The following IL16 variants were observed in gnomAD, a reference collection of about 807,000 sequenced individuals.
The protein encoded by IL16 is interleukin 16.
In IL16, 67 loss-of-function variants were observed where a neutral mutation model predicts 110.1. The observed-to-expected ratio is 0.61, with a 90% confidence interval of 0.50 to 0.75. The LOEUF (loss-of-function observed/expected upper bound fraction) is 0.75. Among genes scored for constraint, IL16 ranks in the 30% least tolerant of loss-of-function variants. The probability of loss-of-function intolerance (pLI) is 0.00; values close to 1 mark genes in which losing one functional copy is unlikely to be tolerated. For missense variants in IL16, 1,545 were observed against 1,655.0 expected, an observed-to-expected ratio of 0.93 and a Z score of 1.15; for synonymous variants, 689 against 662.9, an observed-to-expected ratio of 1.04 and a Z score of -0.61.
chr15:81,208,024 A>G (rs1202079652), intron 1 of IL16, among the ~76,000 whole-genome samples: 1 of 152,126 alleles, frequency 6.6e-6, no homozygotes, highest in African/African-American at 2.4e-5. Context: ...TTCCTCTGCA[A>G]CCTCACCAGC....
At chr15:81,207,260 A>C (rs996332072) in intron 1 of IL16, among the ~76,000 whole-genome samples, 2 of 147,624 alleles carry the variant, frequency 1.4e-5, no homozygotes, top group African/African-American at 5.2e-5. Context: ...AAAAAAAAAA[A>C]ACAAAAAAAA....
Position 81,218,917 on chromosome 15 carries a change from G to GT in IL16, c.-101-6375dup, listed in dbSNP as rs751212736. On this transcript the variant is annotated intron_variant, in intron 1 of 18. Coordinates refer to ENST00000683961, the MANE Select transcript of IL16 (RefSeq NM_172217.5). ...TTTAGGTTTTTTCTCCTCTTTTACT[G>GT]TTTTTTTGAGTAACAATTTTTTTTT... 8.2e-5 allele frequency among the ~76,000 whole-genome samples: 12 copies of GT among 147,096 alleles called. No individual in the cohort carries two copies. In the East Asian group the frequency reaches 2.3e-3, roughly 28 times the overall value.
intron 2 of IL16, among the ~76,000 whole-genome samples, chr15:81,236,550 A>G (rs1327336018): frequency 2.0e-5 from 3 of 152,240 alleles, no homozygotes; most frequent in African/African-American, 7.2e-5. Flanking sequence ...TTTTATTGCC[A>G]GAAAACATTT....
At chr15:81,221,054 G>T (rs540374362) in intron 1 of IL16, among the ~76,000 whole-genome samples, 97 of 151,826 alleles carry the variant, frequency 6.4e-4, no homozygotes, top group Non-Finnish European at 1.2e-3. Flanking sequence ...TTGGCACAGT[G>T]TCCTTACCCA....
Position 81,306,122 on chromosome 15 carries a change from C to T in IL16, c.3635C>T (p.Ser1212Phe), listed in dbSNP as rs1182464557. Residue 1212 changes from serine (S) to phenylalanine (F), a missense_variant, in exon 17 of 19, where the codon TCT becomes TTT. Ser to Phe is a radical substitution (Grantham distance 155, BLOSUM62 -2). Transcript: ENST00000683961. ...AMPDLNSSTD[S>F]AASASAASDV... Reference sequence around the variant, plus strand: ...CCCGACCTCAACTCCTCCACTGACTCTGCAGCCTCAGCCTCTGCAGCCAGT... The same window carrying T: ...CCCGACCTCAACTCCTCCACTGACTTTGCAGCCTCAGCCTCTGCAGCCAGT... The T allele has an allele frequency of 2.5e-6, 4 of 1,614,078 alleles. No homozygotes were observed. The African/African-American group carries it at 4.0e-5, about 16-fold the overall frequency.
At chr15:81,187,646 C>T (rs545305276) in intron 1 of IL16, among the ~76,000 whole-genome samples, 26 of 152,318 alleles carry the variant, frequency 1.7e-4, no homozygotes, top group African/African-American at 5.1e-4. Flanking sequence ...CTTTTGTGCC[C>T]TTCTCAGTTG....
chr15:81,221,709 G>A (rs1161900249), intron 1 of IL16, among the ~76,000 whole-genome samples: 1 of 151,894 alleles, frequency 6.6e-6, no homozygotes, highest in South Asian at 2.1e-4. Flanking sequence ...TAATGACAAG[G>A]CTCATTTTGA....
At chr15:81,260,402 C>T (rs914704505) in intron 3 of IL16, among the ~76,000 whole-genome samples, 9 of 152,260 alleles carry the variant, frequency 5.9e-5, no homozygotes, top group African/African-American at 1.7e-4. Context: ...ACTTCACACA[C>T]GCATTTATTT....
intron 1 of IL16, among the ~76,000 whole-genome samples, chr15:81,223,767 C>T (rs1013173800): frequency 6.6e-6 from 1 of 152,200 alleles, no homozygotes; most frequent in African/African-American, 2.4e-5. Flanking sequence ...GCTGGAGGCC[C>T]AGTTGGTGGC....
chr15:81,285,759 G>C lies in IL16; in HGVS notation c.1261G>C (p.Val421Leu). 1 of 1,614,102 alleles carries C rather than the reference G, an allele frequency of 6.2e-7. No homozygotes were observed. The change falls in exon 10 of 19, where the codon GTC becomes CTC. Residue 421 changes from valine (V) to leucine (L), a missense_variant. Val to Leu is a conservative substitution (Grantham distance 32, BLOSUM62 1). Transcript: ENST00000683961. ...TGTGCACTGCCTGACGCTCAATGAA[G>C]TCTACACGATCCTGAGTCACTGTGA... ...SPVHCLTLNE[V>L]YTILSHCDPG... is the part of the protein sequence containing the mutation.
At chr15:81,260,339 C>T (rs1043985058) in intron 3 of IL16, among the ~76,000 whole-genome samples, 2 of 152,174 alleles carry the variant, frequency 1.3e-5, no homozygotes, top group African/African-American at 4.8e-5. Flanking sequence ...TAGAGATCAT[C>T]TATGTTAACA....
chr15:81,269,362 T>G (rs1405524807), intron 4 of IL16, among the ~76,000 whole-genome samples, 176 bp from the exon 5 acceptor site: 1 of 152,186 alleles, frequency 6.6e-6, no homozygotes, highest in Admixed American at 6.5e-5. Context: ...AGGAAGTCCC[T>G]CCCCACCATA....
In IL16 at chr15:81,303,469, T is replaced by C; in HGVS notation, c.3319-80T>C. The C allele has an allele frequency of 1.0e-6, 1 of 961,302 alleles. No individual in the cohort carries two copies. The allele number at this position is 961,302 out of a possible 1,614,324, so 59.5% of individuals were successfully genotyped here. On this transcript the variant is annotated intron_variant, in intron 15 of 18. Coordinates refer to ENST00000683961, the MANE Select transcript of IL16 (RefSeq NM_172217.5). This position sits in a 1 kb window ranked among gnomAD's most constrained non-coding sequence, Gnocchi z 4.1. Reference sequence around the variant, plus strand: ...CCAAGCTGGGGTTTGAGATAACAAATCAGTCTGATGTCAGTCCGATGTTAA... The same window carrying C: ...CCAAGCTGGGGTTTGAGATAACAAACCAGTCTGATGTCAGTCCGATGTTAA...
intron 1 of IL16, among the ~76,000 whole-genome samples, chr15:81,214,900 G>C (rs1450830615): frequency 6.6e-6 from 1 of 152,082 alleles, no homozygotes; most frequent in East Asian, 1.9e-4. Context: ...TCTTTCCTCA[G>C]CTTGATCTAT....
rs200878535 is a variant in IL16, at chr15:81,218,933, A to AT, written c.-101-6353dup. On this transcript the variant is annotated intron_variant, in intron 1 of 18. Coordinates refer to ENST00000683961, the MANE Select transcript of IL16 (RefSeq NM_172217.5). ...TCTTTTACTGTTTTTTTGAGTAACA[A>AT]TTTTTTTTTTTTTAGTCCATACTAC... Among the ~76,000 whole-genome samples the AT allele has an allele frequency of 1.6e-3, 238 of 147,850 alleles. No individual in the cohort carries two copies. The Middle Eastern group carries it at 0.022, about 13-fold the overall frequency.
chr15:81,287,192 G>A (rs926201380), intron 10 of IL16, among the ~76,000 whole-genome samples: 1 of 152,220 alleles, frequency 6.6e-6, no homozygotes, highest in African/African-American at 2.4e-5. Flanking sequence ...GTAAGAGAGG[G>A]AGGAACCGAA....
At chr15:81,243,164 T>TACATATATATATATATATATATATATATA (rs60077602) in intron 2 of IL16, among the ~76,000 whole-genome samples, 1 of 15,774 alleles carries the variant, frequency 6.3e-5, no homozygotes, top group South Asian at 4.0e-3. Context: ...TATATATATA[T>TACATATATATATATATATATATATATATA]TTTTTTTTTT....
At chr15:81,298,310 A>T (rs955660857) in intron 13 of IL16, among the ~76,000 whole-genome samples, 1 of 152,214 alleles carries the variant, frequency 6.6e-6, no homozygotes, top group African/African-American at 2.4e-5. Context: ...GAGGGATCAG[A>T]GTTCCTTCAA....
At chr15:81,224,400 A>T (rs763417200) in intron 1 of IL16, among the ~76,000 whole-genome samples, 1 of 152,156 alleles carries the variant, frequency 6.6e-6, no homozygotes, top group Non-Finnish European at 1.5e-5. Flanking sequence ...GCTTCATGGA[A>T]ACTGAATCCA....
Sources: allele counts gnomAD v4.1 joint callset (sites outside exome capture counted in the v4.1 genomes callset), GRCh38; gene constraint gnomAD v4.1.1; non-coding constraint Gnocchi (gnomAD v3.1); transcripts MANE v1.5; gene names NCBI Gene and HGNC (gene_info 2026-07-23, HGNC 2026-07-21).